The following NAV3 variants were observed in gnomAD, a reference collection of about 807,000 sequenced individuals.
NAV3 encodes pore membrane and/or filament interacting like protein 1.
NAV3 carries 87 observed loss-of-function variants against 244.7 expected under a neutral mutation model. The ratio of observed to expected loss-of-function variants is 0.36; its 90% confidence interval spans 0.30 to 0.42. The LOEUF (loss-of-function observed/expected upper bound fraction) is 0.42, where lower values mean the gene tolerates loss of function less well. NAV3 is among the 20% of genes least tolerant of loss of function. The probability of loss-of-function intolerance (pLI) is 1.00; values close to 1 mark genes in which losing one functional copy is unlikely to be tolerated. For missense variants in NAV3, 2,663 were observed against 2,893.3 expected, an observed-to-expected ratio of 0.92 and a Z score of 1.83; for synonymous variants, 1,126 against 1,042.2, an observed-to-expected ratio of 1.08 and a Z score of -1.55.
intron 12 of NAV3, among the ~76,000 whole-genome samples, chr12:78,079,922 G>C (rs1289731445): frequency 1.3e-5 from 2 of 152,174 alleles, no homozygotes; most frequent in East Asian, 1.9e-4. Flanking sequence ...GTTAAGCCTT[G>C]TGTTCATAAT....
Position 77,884,528 on chromosome 12 carries a change from A to G in NAV3, c.243+52824A>G, listed in dbSNP as rs575913490. ...TTCCCTGGAGCCCAAAAGCTGGAGA[A>G]CCTGGAGTTCTGGTGCCCAATGGCA... On this transcript the variant is annotated intron_variant, in intron 1 of 39. Coordinates refer to ENST00000397909, the MANE Select transcript of NAV3 (RefSeq NM_001024383.2). 2.2e-3 allele frequency among the ~76,000 whole-genome samples: 328 copies of G among 152,180 alleles called. 2 individuals are homozygous for G. The highest frequency in any genetic ancestry group is 0.01 in the Middle Eastern group (3 of 294).
At chr12:77,800,538 C>A (rs1467705797) in intron 2 of NAV3, among the ~76,000 whole-genome samples, 2 of 152,060 alleles carry the variant, frequency 1.3e-5, no homozygotes, top group Admixed American at 6.6e-5. Context: ...TTAATACTTA[C>A]AAACGAAAGA....
At chr12:78,169,635 C>T (rs1455621380) in intron 24 of NAV3, among the ~76,000 whole-genome samples, 1 of 151,632 alleles carries the variant, frequency 6.6e-6, no homozygotes, top group Non-Finnish European at 1.5e-5. Context: ...TTTTCATTTC[C>T]AGAAGAATTC....
intron 1 of NAV3, among the ~76,000 whole-genome samples, chr12:77,888,938 A>G (rs1883620339): frequency 6.6e-6 from 1 of 152,104 alleles, no homozygotes; most frequent in African/African-American, 2.4e-5. Flanking sequence ...CTTGAAAAAA[A>G]TTTTAGGACA....
intron 12 of NAV3, among the ~76,000 whole-genome samples, chr12:78,085,468 A>G (rs781207809): frequency 4.6e-5 from 7 of 152,160 alleles, no homozygotes; most frequent in Non-Finnish European, 8.8e-5. Flanking sequence ...TGAGATAGAT[A>G]ATGTATAATC....
intron 2 of NAV3, among the ~76,000 whole-genome samples, chr12:77,738,883 G>C (rs1868275051): frequency 6.6e-6 from 1 of 151,930 alleles, no homozygotes; most frequent in South Asian, 2.1e-4. Flanking sequence ...TTGGGGGCGG[G>C]CGCCTGTAGT....
chr12:77,659,263 GA>G, intron 2 of NAV3, among the ~76,000 whole-genome samples: 1 of 151,260 alleles, frequency 6.6e-6, no homozygotes, highest in East Asian at 1.9e-4. Flanking sequence ...AAATTTACAA[GA>G]AAAAAACAAA....
At chr12:77,761,501 T>C (rs935848052) in intron 2 of NAV3, among the ~76,000 whole-genome samples, 7 of 151,798 alleles carry the variant, frequency 4.6e-5, no homozygotes, top group Non-Finnish European at 1.0e-4. Flanking sequence ...ATCTACAGAG[T>C]GGGAGAAAAT....
At position 77,676,131 on chromosome 12, in the gene NAV3, A is replaced by C. The variant is rs147149967; in HGVS notation, c.72+103865A>C. Among the ~76,000 whole-genome samples, 358 of 151,944 alleles carry C rather than the reference A, an allele frequency of 2.4e-3. 11 individuals carry two copies. The East Asian group carries it at 0.056, about 24-fold the overall frequency. On this transcript the variant is annotated intron_variant, in intron 2 of 8. Transcript: ENST00000550042. Reference sequence around the variant, plus strand: ...TCTAGGATACATGTGCTGAACGTGCAGGTTTGTTAAATAGGTATACATGTG... The same window carrying C: ...TCTAGGATACATGTGCTGAACGTGCCGGTTTGTTAAATAGGTATACATGTG...
intron 33 of NAV3, 43 bp from the exon 34 acceptor site, chr12:78,189,941 T>C (rs1263546983): frequency 2.1e-6 from 3 of 1,427,222 alleles, no homozygotes; most frequent in South Asian, 2.3e-5. Flanking sequence ...TTCTAGCTTA[T>C]GTAGAACAAT....
intron 2 of NAV3, among the ~76,000 whole-genome samples, chr12:77,802,440 G>A (rs1442290667): frequency 6.6e-6 from 1 of 152,158 alleles, no homozygotes; most frequent in Non-Finnish European, 1.5e-5. Flanking sequence ...GTTTACATTT[G>A]TAGCTTAATC....
chr12:77,576,495 C>A (rs982805386), intron 2 of NAV3, among the ~76,000 whole-genome samples: 4 of 152,078 alleles, frequency 2.6e-5, no homozygotes, highest in Admixed American at 2.6e-4. Flanking sequence ...CACCCACTTA[C>A]GATTGCCAGA....
At chr12:77,939,408 C>A (rs1038253144) in intron 1 of NAV3, among the ~76,000 whole-genome samples, 7 of 152,142 alleles carry the variant, frequency 4.6e-5, no homozygotes, top group African/African-American at 1.7e-4. Flanking sequence ...GTATTTCTTA[C>A]TTTCTTTCTT....
At chr12:77,586,900 G>T (rs1869641186) in intron 2 of NAV3, among the ~76,000 whole-genome samples, 1 of 152,144 alleles carries the variant, frequency 6.6e-6, no homozygotes, top group Admixed American at 6.5e-5. Context: ...ATGTAGAATG[G>T]GAAGTTAGGA....
chr12:78,098,476 GA>G (rs1954369626), intron 12 of NAV3, among the ~76,000 whole-genome samples: 2 of 151,596 alleles, frequency 1.3e-5, no homozygotes, highest in Non-Finnish European at 3.0e-5. Context: ...ATAATAAATA[GA>G]AAAGAAATAG....
chr12:78,207,917 G>T (rs1216150858), intron 39 of NAV3, among the ~76,000 whole-genome samples: 3 of 152,138 alleles, frequency 2.0e-5, no homozygotes, highest in Non-Finnish European at 4.4e-5. Context: ...ATGGAATCTG[G>T]AAGCTTAGCA....
At chr12:78,009,542 G>T (rs940322606) in intron 8 of NAV3, among the ~76,000 whole-genome samples, 12 of 150,944 alleles carry the variant, frequency 7.9e-5, no homozygotes, top group African/African-American at 2.9e-4. Context: ...GGTGGTGGTT[G>T]CCTAGGTGGG....
chr12:77,696,863 G>C (rs905220225), intron 2 of NAV3, among the ~76,000 whole-genome samples: 2 of 152,136 alleles, frequency 1.3e-5, no homozygotes, highest in African/African-American at 4.8e-5. Context: ...CTTGGTTAAA[G>C]AGTTTGACTC....
intron 2 of NAV3, among the ~76,000 whole-genome samples, chr12:77,807,231 G>T (rs1168477065): frequency 1.3e-5 from 2 of 152,092 alleles, no homozygotes; most frequent in Non-Finnish European, 2.9e-5. Context: ...ATGCTAACTG[G>T]TTATTTTGCC....
Sources: allele counts gnomAD v4.1 joint callset (sites outside exome capture counted in the v4.1 genomes callset), GRCh38; gene constraint gnomAD v4.1.1; transcripts MANE v1.5; gene names NCBI Gene and HGNC (gene_info 2026-07-23, HGNC 2026-07-21).